MACF1: variants seen among roughly 807,000 people sequenced by gnomAD.
MACF1 encodes the protein microtubule actin crosslinking factor 1.
In MACF1, 193 loss-of-function variants were observed where a neutral mutation model predicts 854.8. The observed-to-expected ratio is 0.23, with a 90% CI of 0.20 to 0.25. The LOEUF (loss-of-function observed/expected upper bound fraction) is 0.25. Ranked by LOEUF, MACF1 falls within the 10% of genes least tolerant of loss-of-function variation. The pLI, the probability that MACF1 is intolerant of heterozygous loss-of-function variation, is 1.00. For synonymous variants in MACF1, 3,185 were observed against 3,226.7 expected (o/e 0.99, Z 0.44); for missense variants, 7,722 against 8,929.1 (o/e 0.86, Z 5.45).
chr1:39,257,851 T>A, intron 5 of MACF1, 85 bp from the exon 6 acceptor site: 1 of 969,792 alleles, frequency 1.0e-6, no homozygotes, highest in Admixed American at 2.0e-5. Context: ...TCAGTTTAAC[T>A]GTAAATCAAT....
At chr1:39,315,757 T>TA in intron 27 of MACF1, 66 bp downstream of exon 27, 2 of 1,477,786 alleles carry the variant, frequency 1.4e-6, no homozygotes, top group Non-Finnish European at 1.9e-6. Flanking sequence ...GAGAAAGGCT[T>TA]AAAGTATTTC....
At chr1:39,150,921 T>C (rs1460358905) in intron 2 of MACF1, among the ~76,000 whole-genome samples, 2 of 152,222 alleles carry the variant, frequency 1.3e-5, no homozygotes, top group African/African-American at 4.8e-5. Flanking sequence ...CTCTACATAG[T>C]TTTCATGAGT....
intron 15 of MACF1, among the ~76,000 whole-genome samples, chr1:39,291,304 T>TAA (rs1419653769): frequency 1.3e-5 from 2 of 152,096 alleles, no homozygotes; most frequent in Non-Finnish European, 2.9e-5. Flanking sequence ...TAAGCAAGGC[T>TAA]ACTGTATTCC....
intron 2 of MACF1, among the ~76,000 whole-genome samples, chr1:39,169,773 C>CTTTTTTTTTTTT (rs11335031): frequency 1.0e-5 from 1 of 97,496 alleles, no homozygotes; most frequent in Non-Finnish European, 2.0e-5. Context: ...TTCTTTCTTT[C>CTTTTTTTTTTTT]TTTTTTTTTT....
At chr1:39,314,344 G>T (rs943404618) in intron 26 of MACF1, among the ~76,000 whole-genome samples, 2 of 152,032 alleles carry the variant, frequency 1.3e-5, no homozygotes, top group Non-Finnish European at 2.9e-5. Flanking sequence ...GGGAGGCGGA[G>T]GTTGCAGTGA....
chr1:39,250,826 A>G (rs909393283), intron 3 of MACF1, among the ~76,000 whole-genome samples: 2 of 152,106 alleles, frequency 1.3e-5, no homozygotes, highest in Non-Finnish European at 2.9e-5. Context: ...GCTTTGAGGG[A>G]TGGAAATCAC....
intron 2 of MACF1, among the ~76,000 whole-genome samples, chr1:39,099,623 A>T (rs1642017304): frequency 6.6e-6 from 1 of 152,228 alleles, no homozygotes; most frequent in African/African-American, 2.4e-5. Flanking sequence ...AAGTGCCCTC[A>T]GCCCTTGACC....
intron 2 of MACF1, among the ~76,000 whole-genome samples, chr1:39,154,976 C>A (rs1446440456): frequency 1.3e-5 from 2 of 152,198 alleles, no homozygotes; most frequent in African/African-American, 4.8e-5. Flanking sequence ...GTGTCTGGAA[C>A]TTAGGGCAGA....
rs534875836 is a variant in MACF1, at chr1:39,085,831, C to T, written c.220+1393C>T. ...TGCCACCACCTCTACCCCCAATCAC[C>T]CTGCCACAGTACACTGTAACTGGAC... is the stretch of plus-strand genomic sequence containing the variant. On this transcript the variant is annotated intron_variant, in intron 2 of 93. Coordinates refer to the MACF1 transcript ENST00000361689. Among the ~76,000 whole-genome samples, 14 of 152,302 alleles carry T rather than the reference C, an allele frequency of 9.2e-5. No homozygotes were observed. In the East Asian group the frequency reaches 2.3e-3, roughly 25 times the overall value.
chr1:39,314,601 A>C (rs1055307571), intron 26 of MACF1, among the ~76,000 whole-genome samples: 5 of 151,420 alleles, frequency 3.3e-5, no homozygotes, highest in Non-Finnish European at 7.4e-5. Flanking sequence ...ACACACACAC[A>C]CACACACAAA....
At chr1:39,477,341 C>T (rs1644928736) in intron 97 of MACF1, among the ~76,000 whole-genome samples, 6 of 151,904 alleles carry the variant, frequency 3.9e-5, no homozygotes, top group African/African-American at 2.4e-5. Flanking sequence ...CCTCCCACCT[C>T]AGCCTCCAGA....
chr1:39,469,759 A>T, intron 97 of MACF1, 144 bp downstream of exon 97: 2 of 667,038 alleles, frequency 3.0e-6, no homozygotes, highest in Non-Finnish European at 5.3e-6. Context: ...TTTTCTAACT[A>T]CTCAAGTTGA....
chr1:39,433,123 A>T lies in MACF1; in HGVS notation c.17533A>T (p.Thr5845Ser). The T allele has an allele frequency of 6.2e-7, 1 of 1,611,480 alleles. No homozygotes were observed. Among genetic ancestry groups the T allele is most frequent in the Non-Finnish European group, 8.5e-7 (1 of 1,178,432 alleles). The change falls in exon 68 of 101, where the codon ACA (threonine) becomes TCA (serine). Residue 5845 changes from threonine to serine, a missense_variant. This residue lies in a region of MACF1 where 2,807 missense variants were observed against 3,235.8 expected (regional missense o/e 0.87). Transcript: ENST00000564288. Reference protein sequence around the residue: ...LFSHRSEIFGTCGEEQKTVLQ... With the variant: ...LFSHRSEIFGSCGEEQKTVLQ... ...CAGTCACCGTAGTGAAATCTTTGGC[A>T]CATGTGGGGAGGAGCAAAAAACTGT...
At chr1:39,324,144 C>T in intron 33 of MACF1, 49 bp from the exon 34 acceptor site, 1 of 1,529,432 alleles carries the variant, frequency 6.5e-7, no homozygotes, top group Non-Finnish European at 8.8e-7. Flanking sequence ...GTCGTGCCAG[C>T]CTAATAAAAG....
chr1:39,322,786 A>G lies in MACF1; in HGVS notation c.4137+71A>G, dbSNP rs1003662226. On this transcript the variant is annotated intron_variant, in intron 32 of 100. Transcript: ENST00000564288. The stretch of plus-strand genomic sequence containing the variant: ...AAAGATTCATTTGCCTGGGCCTTAC[A>G]TTTTGATTTAGGGCTCACTTTTCTG... The G allele has an allele frequency of 9.0e-6, 14 of 1,560,100 alleles. No homozygotes were observed. In the East Asian group the frequency reaches 2.0e-4, roughly 23 times the overall value.
intron 2 of MACF1, among the ~76,000 whole-genome samples, chr1:39,149,055 G>T (rs1218144344): frequency 6.6e-6 from 1 of 152,124 alleles, no homozygotes; most frequent in South Asian, 2.1e-4. Flanking sequence ...CAGTTTTTTT[G>T]AGGCTGTTCT....
intron 2 of MACF1, among the ~76,000 whole-genome samples, chr1:39,087,694 G>A (rs1641708059): frequency 1.3e-5 from 2 of 152,186 alleles, no homozygotes; most frequent in South Asian, 2.1e-4. Flanking sequence ...GTTAGCATCC[G>A]AGGCTCAGAG....
At chr1:39,386,485 G>A (rs927599376) in intron 57 of MACF1, among the ~76,000 whole-genome samples, 1 of 149,068 alleles carries the variant, frequency 6.7e-6, no homozygotes, top group Non-Finnish European at 1.5e-5. Context: ...CAGCTGGAGT[G>A]CAGTGGCACG....
intron 43 of MACF1, among the ~76,000 whole-genome samples, chr1:39,352,406 T>C (rs558252129): frequency 6.6e-6 from 1 of 152,346 alleles, no homozygotes; most frequent in East Asian, 1.9e-4. Context: ...GTGACTGTGC[T>C]ATTTCTTACC....
Sources: allele counts gnomAD v4.1 joint callset (sites outside exome capture counted in the v4.1 genomes callset), GRCh38; gene constraint gnomAD v4.1.1; regional missense constraint gnomAD v4.1.1; transcripts MANE v1.5; gene names NCBI Gene and HGNC (gene_info 2026-07-23, HGNC 2026-07-21).